The following EBF2 variants were observed in gnomAD, a reference collection of about 807,000 sequenced individuals.
EBF2 encodes transcription factor COE2.
EBF2 carries 21 observed loss-of-function variants against 72.8 expected under a neutral mutation model. The observed-to-expected ratio is 0.29, with a 90% CI of 0.20 to 0.42. EBF2 has a LOEUF of 0.42. Among genes scored for constraint, EBF2 ranks in the 10% least tolerant of loss-of-function variants. EBF2 has a pLI of 1.00. For missense variants in EBF2, 637 were observed against 731.2 expected (o/e 0.87, Z 1.49); for synonymous variants, 299 against 274.2 (o/e 1.09, Z -0.89).
chr8:26,004,173 T>G (rs1300104876), intron 6 of EBF2, among the ~76,000 whole-genome samples: 1 of 152,172 alleles, frequency 6.6e-6, no homozygotes, highest in African/African-American at 2.4e-5. Context: ...GAGTTTGTTG[T>G]CACCATTGGT....
chr8:26,011,973 G>A (rs1328638768), intron 6 of EBF2, among the ~76,000 whole-genome samples: 1 of 152,082 alleles, frequency 6.6e-6, no homozygotes, highest in African/African-American at 2.4e-5. Context: ...ACTTAACAAA[G>A]GGAGCCTTGA....
rs1171219479 is a variant in EBF2 at position 26,045,320 on chromosome 8, G to A, written c.-461C>T. The A allele has an allele frequency of 2.6e-5, 4 of 152,498 alleles. No individual in the cohort carries two copies. The highest frequency in any genetic ancestry group is 9.6e-5 in the African/African-American group (4 of 41,464). 9.4% of individuals were successfully genotyped at this position (152,498 alleles called of 1,614,324 possible). A position where few individuals can be genotyped will look rare whatever the true frequency, so the allele number is the denominator to read the frequency against. ...ACAGGATCAGTTGTAAAAAGAAGGG[G>A]AAGACCTGGAGCCGAGAGGAGGCGG... On this transcript the variant is annotated 5_prime_UTR_variant, in exon 1 of 16. Transcript: ENST00000520164.
chr8:26,026,842 A>G (rs1198546513), intron 6 of EBF2, among the ~76,000 whole-genome samples: 1 of 152,202 alleles, frequency 6.6e-6, no homozygotes, highest in Non-Finnish European at 1.5e-5. Flanking sequence ...TTTCACAAGC[A>G]AACTGGCTAT....
rs748347004 is a variant in EBF2, at chr8:25,850,750, TTGA to T, written c.1537_1539del (p.Ser514del). ...GTGCTGGAAGACCCAACGGTGGGAC[TTGA>T]TGACATGACTGGAAAGCAAATGCAC... is the stretch of plus-strand genomic sequence containing the variant. On this transcript the variant is annotated inframe_deletion, in exon 15 of 16. Coordinates refer to ENST00000520164, the MANE Select transcript of EBF2 (RefSeq NM_022659.4). 9.4e-4 allele frequency: 1,474 copies of T among 1,561,176 alleles called. 6 individuals are homozygous for T. Among genetic ancestry groups the T allele is most frequent in the Non-Finnish European group, 7.4e-4 (857 of 1,161,238 alleles).
chr8:25,859,386 C>A (rs1310693148), intron 13 of EBF2, among the ~76,000 whole-genome samples: 1 of 152,146 alleles, frequency 6.6e-6, no homozygotes, highest in East Asian at 1.9e-4. Context: ...AACGTCAGTT[C>A]CAAGTTGTTG....
chr8:25,972,911 A>G (rs1466519458), intron 6 of EBF2, among the ~76,000 whole-genome samples: 2 of 145,664 alleles, frequency 1.4e-5, no homozygotes, highest in Non-Finnish European at 3.0e-5. Flanking sequence ...TTCATAAAGC[A>G]CATTTGAACT....
intron 6 of EBF2, among the ~76,000 whole-genome samples, chr8:26,006,336 CCAAA>C (rs1446161945): frequency 6.6e-6 from 1 of 152,156 alleles, no homozygotes; most frequent in East Asian, 1.9e-4. Flanking sequence ...TATTTTTTCA[CCAAA>C]CATTTATTTT....
intron 10 of EBF2, among the ~76,000 whole-genome samples, chr8:25,863,856 T>G (rs1802254876): frequency 1.3e-5 from 2 of 152,166 alleles, no homozygotes; most frequent in Non-Finnish European, 2.9e-5. Flanking sequence ...CCTATACACA[T>G]ACTTAAAATT....
intron 6 of EBF2, among the ~76,000 whole-genome samples, chr8:25,912,519 GAAA>G (rs5890267): frequency 5.4e-5 from 8 of 147,320 alleles, no homozygotes; most frequent in East Asian, 2.0e-4. Context: ...TAAATCAGGA[GAAA>G]AAAAAAAAGT....
At chr8:25,976,640 A>AC (rs397767620) in intron 6 of EBF2, among the ~76,000 whole-genome samples, 28 of 139,952 alleles carry the variant, frequency 2.0e-4, no homozygotes, top group African/African-American at 6.5e-4. Flanking sequence ...TTTCTTAAAA[A>AC]CAAAACAAAA....
chr8:25,976,192 C>T (rs983174238), intron 6 of EBF2, among the ~76,000 whole-genome samples: 23 of 152,300 alleles, frequency 1.5e-4, no homozygotes, highest in Admixed American at 1.2e-3. Flanking sequence ...ATGTCTTCAT[C>T]GCTTTTCATA....
chr8:25,964,901 T>C (rs1398862563), intron 6 of EBF2, among the ~76,000 whole-genome samples: 1 of 152,206 alleles, frequency 6.6e-6, no homozygotes, highest in Non-Finnish European at 1.5e-5. Context: ...GGGACTGTCA[T>C]AGAAGCTTAG....
At chr8:25,953,848 T>C (rs1326627598) in intron 6 of EBF2, among the ~76,000 whole-genome samples, 1 of 152,212 alleles carries the variant, frequency 6.6e-6, no homozygotes, top group Non-Finnish European at 1.5e-5. Flanking sequence ...TCGTCAGAGA[T>C]CAGCGGCTTA....
chr8:25,979,140 G>A (rs760223048), intron 6 of EBF2, among the ~76,000 whole-genome samples: 8 of 152,190 alleles, frequency 5.3e-5, no homozygotes, highest in Admixed American at 1.3e-4. Flanking sequence ...CACACCCAAA[G>A]CCCACAAAAC....
chr8:25,992,531 G>T (rs940670055), intron 6 of EBF2, among the ~76,000 whole-genome samples: 1 of 151,910 alleles, frequency 6.6e-6, no homozygotes, highest in African/African-American at 2.4e-5. Flanking sequence ...GAGTGGAGAG[G>T]ATTCAAGTGT....
rs149024351 is a variant in EBF2, at chr8:25,900,165, T to C, written c.633+8309A>G. ...AATGATTTTTCTTTCATTAGAAATG[T>C]GTCTGTCTGGCCAGGTGTGGTGGCT... On this transcript the variant is annotated intron_variant, in intron 7 of 15. Transcript: ENST00000520164. Among the ~76,000 whole-genome samples the C allele has an allele frequency of 1.8e-4, 28 of 152,310 alleles. 1 individual carries two copies. Among genetic ancestry groups the C allele is most frequent in the African/African-American group, 6.5e-4 (27 of 41,584 alleles).
intron 6 of EBF2, among the ~76,000 whole-genome samples, chr8:26,027,229 T>C (rs1345664134): frequency 6.6e-6 from 1 of 152,146 alleles, no homozygotes; most frequent in Non-Finnish European, 1.5e-5. Flanking sequence ...TCACTGGAGT[T>C]AAGAAACACA....
At chr8:25,908,317 A>G (rs1014001849) in intron 7 of EBF2, among the ~76,000 whole-genome samples, 157 bp downstream of exon 7, 2 of 152,200 alleles carry the variant, frequency 1.3e-5, no homozygotes, top group African/African-American at 2.4e-5. Context: ...GAAACTCTCA[A>G]TGCTAGTGGC....
chr8:25,849,446 A>C (rs1052949944), intron 15 of EBF2, among the ~76,000 whole-genome samples: 1 of 152,236 alleles, frequency 6.6e-6, no homozygotes, highest in Non-Finnish European at 1.5e-5. Context: ...AGGACAATGC[A>C]GCCCATCCAA....
Sources: gnomAD v4.1 joint callset for allele counts (sites outside exome capture counted in the v4.1 genomes callset) on GRCh38, gnomAD v4.1.1 for gene constraint, MANE v1.5 for transcripts, NCBI Gene and HGNC (gene_info 2026-07-23, HGNC 2026-07-21) for gene names.